Variants in ZNF282 observed in about 807,000 individuals in gnomAD.
ZNF282 encodes the protein zinc finger protein 282.
Under a neutral mutation model 61.9 loss-of-function variants are expected in ZNF282, and 30 were observed. That is an observed-to-expected ratio of 0.48 (90% CI 0.36 to 0.66). ZNF282 has a LOEUF of 0.66. Ranked by LOEUF, ZNF282 falls within the 30% of genes least tolerant of loss-of-function variation. The pLI is 0.00. For missense variants in ZNF282, 788 were observed against 941.4 expected (o/e 0.84, Z 2.13); for synonymous variants, 396 against 405.0 (o/e 0.98, Z 0.27).
intron 2 of ZNF282, among the ~76,000 whole-genome samples, chr7:149,204,622 C>T (rs991832043): frequency 3.9e-5 from 6 of 151,962 alleles, no homozygotes; most frequent in African/African-American, 7.3e-5. Context: ...AGGAGCTTGC[C>T]GGCGCCTACC....
intron 7 of ZNF282, among the ~76,000 whole-genome samples, chr7:149,217,771 G>A (rs1796182068): frequency 6.6e-6 from 1 of 152,128 alleles, no homozygotes; most frequent in South Asian, 2.1e-4. Context: ...CTGACTGAGT[G>A]TGCCCTTGGC....
intron 2 of ZNF282, among the ~76,000 whole-genome samples, chr7:149,200,972 A>G (rs1052560381): frequency 6.6e-6 from 1 of 152,044 alleles, no homozygotes; most frequent in Non-Finnish European, 1.5e-5. Flanking sequence ...CTCCCTTTCT[A>G]TATGTTGCCC....
intron 5 of ZNF282, 129 bp from the exon 6 acceptor site, chr7:149,212,229 C>A: frequency 1.6e-6 from 1 of 624,750 alleles, no homozygotes. Context: ...GTTAATGAGA[C>A]TTATGTAATT....
chr7:149,212,160 C>T (rs907930845), intron 5 of ZNF282, 198 bp from the exon 6 acceptor site: 3 of 484,840 alleles, frequency 6.2e-6, no homozygotes, highest in African/African-American at 6.0e-5. Context: ...TCCCCTGCAG[C>T]ATCCTCTTAT....
intron 2 of ZNF282, among the ~76,000 whole-genome samples, chr7:149,204,087 GAGGGCCTGATTCCGGCAT>G (rs1795955828): frequency 6.6e-6 from 1 of 152,180 alleles, no homozygotes; most frequent in African/African-American, 2.4e-5. Flanking sequence ...ACTGGGGCTG[GAGGGCCTGATTCCGGCAT>G]GGCTCACTCA....
chr7:149,215,391 C>T (rs896491622), intron 7 of ZNF282, among the ~76,000 whole-genome samples: 1 of 151,826 alleles, frequency 6.6e-6, no homozygotes, highest in African/African-American at 2.4e-5. Context: ...TTAGTAGAGA[C>T]GAGGTTGCAC....
chr7:149,215,603 C>T (rs979668083), intron 7 of ZNF282, among the ~76,000 whole-genome samples: 1 of 152,214 alleles, frequency 6.6e-6, no homozygotes, highest in Non-Finnish European at 1.5e-5. Context: ...GGATCACACT[C>T]TCTATAAGAC....
chr7:149,210,805 C>A, intron 5 of ZNF282, 101 bp downstream of exon 5: 4 of 1,424,004 alleles, frequency 2.8e-6, no homozygotes, highest in Non-Finnish European at 3.7e-6. Flanking sequence ...ATGTGCCAGG[C>A]CAGAGGGCTG....
In ZNF282 at chr7:149,195,612, C is replaced by T. The variant is rs753277881; in HGVS notation, c.23C>T (p.Pro8Leu). Residue 8 changes from proline to leucine, a missense_variant, in exon 1 of 8, where the codon CCG becomes CTG. By Grantham distance (98) the Pro-to-Leu change is moderately conservative (BLOSUM62 -3). Coordinates refer to ENST00000610704, the MANE Select transcript of ZNF282 (RefSeq NM_003575.4). MQFVSTR[P>L]QPQQLGIQGL... is the part of the protein sequence containing the mutation. ...AGGATGCAGTTTGTGTCAACACGGC[C>T]GCAGCCTCAGCAGCTGGGCATCCAG... 5 of 1,611,342 alleles carry T rather than the reference C, an allele frequency of 3.1e-6. No homozygotes were observed. The highest frequency in any genetic ancestry group is 3.3e-5 in the Admixed American group (2 of 59,948).
At chr7:149,205,686 A>C (rs1795982262) in intron 2 of ZNF282, among the ~76,000 whole-genome samples, 1 of 152,162 alleles carries the variant, frequency 6.6e-6, no homozygotes, top group African/African-American at 2.4e-5. Flanking sequence ...TCTAACTTAC[A>C]TAAAGGTGCT....
rs759930894 is a variant in ZNF282 at position 149,195,702 on chromosome 7, A to G, written c.113A>G (p.His38Arg). The change falls in exon 1 of 8, where the codon CAC (histidine) becomes CGC (arginine). Residue 38 changes from histidine to arginine, a missense_variant. Around this residue, in one of 3 missense-constraint regions of ZNF282, gnomAD observed 137 missense variants for 135.4 expected, o/e 1.01. Coordinates refer to ENST00000610704, the MANE Select transcript of ZNF282 (RefSeq NM_003575.4). ...GCTCTGCCCCCGGAGGAGGTCTGCC[A>G]CCAGGAGCCGGCGCTGCGCGGGGAA... ...AQALPPEEVC[H>R]QEPALRGEMA... The G allele has an allele frequency of 4.7e-5, 74 of 1,562,642 alleles. No homozygotes were observed. The highest frequency in any genetic ancestry group is 2.5e-5 in the Non-Finnish European group (29 of 1,156,388).
At chr7:149,220,803 G>C (rs76646792) in intron 7 of ZNF282, among the ~76,000 whole-genome samples, 17 of 152,272 alleles carry the variant, frequency 1.1e-4, no homozygotes, top group African/African-American at 3.6e-4. Context: ...CATGGGTTGG[G>C]GGGGAGGGGC....
chr7:149,210,452 T>C, intron 4 of ZNF282, 133 bp from the exon 5 acceptor site: 4 of 1,470,436 alleles, frequency 2.7e-6, no homozygotes, highest in Non-Finnish European at 2.8e-6. Flanking sequence ...GCCATGCTTC[T>C]GAGCCCAGAA....
In ZNF282 at chr7:149,198,309, G is replaced by A; in HGVS notation, c.166-24G>A. On this transcript the variant is annotated intron_variant, in intron 1 of 7. Transcript: ENST00000610704. This position sits in a 1 kb window ranked among gnomAD's most constrained non-coding sequence, Gnocchi z 4.3. ...CTCACACAAGGTCTCATCCTGGGTTGTCGCTTTCTCCCTCTGCATACAGGC... is the reference window on the plus strand; with the variant it reads ...CTCACACAAGGTCTCATCCTGGGTTATCGCTTTCTCCCTCTGCATACAGGC... The A allele has an allele frequency of 6.3e-7, 1 of 1,575,300 alleles. No individual in the cohort carries two copies. Among genetic ancestry groups the A allele is most frequent in the Non-Finnish European group, 8.6e-7 (1 of 1,158,294 alleles).
rs1407093346 is a variant in ZNF282, at chr7:149,224,460, G to A, written c.1829G>A (p.Ser610Asn). The A allele has an allele frequency of 1.2e-6, 2 of 1,613,736 alleles. No homozygotes were observed. The highest frequency in any genetic ancestry group is 1.7e-6 in the Non-Finnish European group (2 of 1,179,942). ...RPFQCALCGKSFIRKQNLLKH... is the reference protein window; with the variant it reads ...RPFQCALCGKNFIRKQNLLKH... ...TTCCAATGTGCACTGTGCGGCAAGA[G>A]CTTCATCCGCAAGCAGAACCTGCTC... Residue 610 changes from serine (S) to asparagine (N), a missense_variant, in exon 8 of 8, where the codon AGC (serine) becomes AAC (asparagine). This residue lies in a region of ZNF282 where 559 missense variants were observed against 642.0 expected (regional missense o/e 0.87). Transcript: ENST00000610704.
At position 149,198,517 on chromosome 7, in the gene ZNF282, G is replaced by A. The variant is rs1294588661; in HGVS notation, c.350G>A (p.Ser117Asn). The change falls in exon 2 of 8, where the codon AGC (serine) becomes AAC (asparagine). Residue 117 changes from serine to asparagine, a missense_variant. Ser to Asn is a conservative substitution (Grantham distance 46). Around this residue, in one of 3 missense-constraint regions of ZNF282, gnomAD observed 92 missense variants for 163.9 expected, o/e 0.56. Transcript: ENST00000610704. The surrounding 1 kb of genome is among the most constrained non-coding windows in gnomAD (Gnocchi z 4.3). Reference protein sequence around the residue: ...AVERKVDAQASQLLNLEGRTG... With the variant: ...AVERKVDAQANQLLNLEGRTG... ...GAGAGGAAGGTGGATGCCCAGGCCA[G>A]CCAGCTGCTGAACCTGGAGGGGCGC... 6.2e-7 allele frequency: 1 copy of A among 1,614,192 alleles called. No individual in the cohort carries two copies. The highest frequency in any genetic ancestry group is 8.5e-7 in the Non-Finnish European group (1 of 1,180,030).
chr7:149,213,598 C>T, intron 6 of ZNF282, 103 bp from the exon 7 acceptor site: 4 of 764,606 alleles, frequency 5.2e-6, no homozygotes, highest in Non-Finnish European at 6.7e-6. Context: ...CCAAAACATG[C>T]CCTGCAGGTT....
intron 2 of ZNF282, among the ~76,000 whole-genome samples, chr7:149,199,710 T>C (rs1795880363): frequency 6.6e-6 from 1 of 152,138 alleles, no homozygotes; most frequent in African/African-American, 2.4e-5. Flanking sequence ...ATAGACAGAA[T>C]AGTATAATGG....
intron 6 of ZNF282, among the ~76,000 whole-genome samples, chr7:149,212,829 G>A (rs776941158): frequency 9.2e-5 from 14 of 152,138 alleles, no homozygotes; most frequent in South Asian, 2.1e-4. Context: ...TGATCTGCCC[G>A]CCTCAGCCTC....
Sources: gnomAD v4.1 joint callset for allele counts (sites outside exome capture counted in the v4.1 genomes callset) on GRCh38, gnomAD v4.1.1 for gene constraint, gnomAD v4.1.1 regional missense constraint, Gnocchi (gnomAD v3.1) non-coding constraint, MANE v1.5 for transcripts, NCBI Gene and HGNC (gene_info 2026-07-23, HGNC 2026-07-21) for gene names.